The following TMTC3 variants were observed in gnomAD, a reference collection of about 807,000 sequenced individuals.
TMTC3 encodes the protein transmembrane O-mannosyltransferase targeting cadherins 3.
A neutral mutation model predicts 92.2 loss-of-function variants in TMTC3; 52 were observed. That is an observed-to-expected ratio of 0.56 (90% CI 0.45 to 0.71). The LOEUF is 0.71. TMTC3 is among the 30% of genes least tolerant of loss of function. The probability of loss-of-function intolerance (pLI) is 0.00; values close to 1 mark genes in which losing one functional copy is unlikely to be tolerated. For missense variants in TMTC3, 896 were observed against 1,057.1 expected, an observed-to-expected ratio of 0.85 and a Z score of 2.11; for synonymous variants, 339 against 363.3, an observed-to-expected ratio of 0.93 and a Z score of 0.76.
At chr12:88,154,121 A>G (rs1224377879) in intron 3 of TMTC3, among the ~76,000 whole-genome samples, 167 bp from the exon 4 acceptor site, 1 of 152,116 alleles carries the variant, frequency 6.6e-6, no homozygotes, top group Non-Finnish European at 1.5e-5. Flanking sequence ...ATAAATGTCT[A>G]TTTATGTAAG....
chr12:88,179,235 T>A (rs1437684560), intron 10 of TMTC3, among the ~76,000 whole-genome samples: 5 of 152,120 alleles, frequency 3.3e-5, no homozygotes, highest in African/African-American at 1.2e-4. Flanking sequence ...TCTTCCTAGA[T>A]GGGTTTGACA....
Position 88,174,671 on chromosome 12 carries a change from T to G in TMTC3, c.1264T>G (p.Phe422Val), listed in dbSNP as rs2041240816. ...MVILTHSLKTFHRNWDWESEY... is the reference protein window; with the variant it reads ...MVILTHSLKTVHRNWDWESEY... ...GATACTCACTCATTCCTTAAAAACA[T>G]TCCACAGAAATTGGGATTGGGAGTC... is the stretch of plus-strand genomic sequence containing the variant. The change falls in exon 9 of 14, where the codon TTC becomes GTC. Residue 422 changes from phenylalanine to valine, a missense_variant. Physicochemically the swap from Phe to Val is conservative, Grantham distance 50. Coordinates refer to ENST00000266712, the MANE Select transcript of TMTC3 (RefSeq NM_181783.4). The G allele has an allele frequency of 1.9e-6, 3 of 1,612,462 alleles. No homozygotes were observed. The African/African-American group carries it at 4.0e-5, about 22-fold the overall frequency.
At chr12:88,188,074 A>G (rs927246234) in intron 10 of TMTC3, among the ~76,000 whole-genome samples, 10 of 152,160 alleles carry the variant, frequency 6.6e-5, no homozygotes, top group South Asian at 6.2e-4. Flanking sequence ...AAATTAACAC[A>G]ACCTTTTAAA....
chr12:88,156,111 A>C (rs2041006666), intron 4 of TMTC3, among the ~76,000 whole-genome samples: 1 of 152,180 alleles, frequency 6.6e-6, no homozygotes, highest in South Asian at 2.1e-4. Context: ...CTCAAAACAA[A>C]AAAAAAGAAT....
At chr12:88,185,966 A>G (rs1374117531) in intron 10 of TMTC3, among the ~76,000 whole-genome samples, 1 of 152,132 alleles carries the variant, frequency 6.6e-6, no homozygotes, top group Non-Finnish European at 1.5e-5. Flanking sequence ...ATCTATATTT[A>G]TGAAGGATAG....
At position 88,195,048 on chromosome 12, in the gene TMTC3, C is replaced by G. The variant is rs765305717; in HGVS notation, c.2144C>G (p.Thr715Ser). The G allele has an allele frequency of 5.0e-6, 8 of 1,613,866 alleles. No homozygotes were observed. The East Asian group carries it at 1.8e-4, about 36-fold the overall frequency. ...AATCTGGCTCTCCTGTATTCCCAGACTGCAAAGGAATTAAAGGCTTTGCCA... is the reference window on the plus strand; with the variant it reads ...AATCTGGCTCTCCTGTATTCCCAGAGTGCAAAGGAATTAAAGGCTTTGCCA... ...LFNLALLYSQTAKELKALPIL... is the reference protein window; with the variant it reads ...LFNLALLYSQSAKELKALPIL... The change falls in exon 14 of 14, where the codon ACT (threonine) becomes AGT (serine). Residue 715 changes from threonine to serine, a missense_variant. Thr to Ser is a moderately conservative substitution (Grantham distance 58). Transcript: ENST00000266712.
Position 88,199,720 on chromosome 12 carries a change from A to AGAT in TMTC3, c.*4072_*4074dup, listed in dbSNP as rs1229894091. On this transcript the variant is annotated 3_prime_UTR_variant, in exon 14 of 14. Coordinates refer to ENST00000266712, the MANE Select transcript of TMTC3 (RefSeq NM_181783.4). ...CATCAGGGAGGTAGCATAAAATGAAAGATAAAGTCTGAAGACTGGATCCAG... is the reference window on the plus strand; with the variant it reads ...CATCAGGGAGGTAGCATAAAATGAAAGATGATAAAGTCTGAAGACTGGATCCAG... The AGAT allele has an allele frequency of 1.3e-5, 2 of 152,224 alleles. No homozygotes were observed. The highest frequency in any genetic ancestry group is 2.9e-5 in the Non-Finnish European group (2 of 68,034). The allele number at this position is 152,224 out of a possible 1,614,324, so 9.4% of individuals were successfully genotyped here.
intron 10 of TMTC3, among the ~76,000 whole-genome samples, chr12:88,178,368 T>C (rs2041281670): frequency 6.6e-6 from 1 of 152,160 alleles, no homozygotes; most frequent in Non-Finnish European, 1.5e-5. Context: ...TTTTCTTCCT[T>C]GAGACTAGAA....
intron 6 of TMTC3, among the ~76,000 whole-genome samples, chr12:88,164,189 C>CA (rs1008391943): frequency 0.021 from 1,012 of 48,276 alleles, 5 homozygotes; most frequent in Non-Finnish European, 0.023. Context: ...GACTTTGTCT[C>CA]AAAAAAAAAA....
At chr12:88,156,938 A>G (rs2041019545) in intron 4 of TMTC3, among the ~76,000 whole-genome samples, 1 of 152,012 alleles carries the variant, frequency 6.6e-6, no homozygotes, top group African/African-American at 2.4e-5. Flanking sequence ...AGCGAAACAA[A>G]AACAGAGTAA....
In TMTC3 at chr12:88,192,980, A is replaced by G. The variant is rs11104755; in HGVS notation, c.1933+150A>G. ...TAACTGATTTATAGAAAGAATATTT[A>G]AAATACTTGAAGTAAACTATTTTCA... On this transcript the variant is annotated intron_variant, in intron 13 of 13. Coordinates refer to ENST00000266712, the MANE Select transcript of TMTC3 (RefSeq NM_181783.4). 14,072 of 591,194 alleles carry G rather than the reference A, an allele frequency of 0.024. 1,607 individuals carry two copies. The African/African-American group carries it at 0.24, about 10-fold the overall frequency. The allele number at this position is 591,194 out of a possible 1,614,324, so 36.6% of individuals were successfully genotyped here. A position where few individuals can be genotyped will look rare whatever the true frequency, so the allele number is the denominator to read the frequency against.
chr12:88,164,184 T>G, intron 6 of TMTC3, among the ~76,000 whole-genome samples: 1 of 141,998 alleles, frequency 7.0e-6, no homozygotes, highest in African/African-American at 2.6e-5. Flanking sequence ...AGCAAGACTT[T>G]GTCTCAAAAA....
chr12:88,189,123 T>G (rs2041411791), intron 11 of TMTC3, among the ~76,000 whole-genome samples, 177 bp downstream of exon 11: 1 of 151,702 alleles, frequency 6.6e-6, no homozygotes, highest in African/African-American at 2.4e-5. Flanking sequence ...AGACGGAGTC[T>G]TGCTGTATTG....
chr12:88,182,681 G>A (rs555142737), intron 10 of TMTC3, among the ~76,000 whole-genome samples: 1 of 152,264 alleles, frequency 6.6e-6, no homozygotes, highest in Non-Finnish European at 1.5e-5. Context: ...GGGGATGCTA[G>A]TAAAATATCA....
intron 6 of TMTC3, among the ~76,000 whole-genome samples, chr12:88,164,589 CA>C (rs1454950784): frequency 1.3e-5 from 2 of 152,130 alleles, no homozygotes; most frequent in African/African-American, 4.8e-5. Context: ...TTTAAGTCTG[CA>C]TATCATATTT....
rs537324814 is a variant in TMTC3, at chr12:88,167,448, C to T, written c.1050+866C>T. ...TAAAAGTTTATTGAAGACAATAGTA[C>T]ATTTTCTCAGGCATTTATTATATGT... On this transcript the variant is annotated intron_variant, in intron 7 of 13. Coordinates refer to ENST00000266712, the MANE Select transcript of TMTC3 (RefSeq NM_181783.4). Among the ~76,000 whole-genome samples the T allele has an allele frequency of 2.6e-5, 4 of 152,212 alleles. No individual in the cohort carries two copies. In the South Asian group the frequency reaches 8.3e-4, roughly 32 times the overall value.
chr12:88,188,925 G>A lies in TMTC3; in HGVS notation c.1515G>A (p.Met505Ile), dbSNP rs79854597. 1,202 of 1,597,732 alleles carry A rather than the reference G, an allele frequency of 7.5e-4. 11 individuals carry two copies. In the African/African-American group the frequency reaches 0.015, roughly 20 times the overall value. Residue 505 changes from methionine (M) to isoleucine (I), a missense_variant, in exon 11 of 14, where the codon ATG becomes ATA. Met to Ile is a conservative substitution (Grantham distance 10, BLOSUM62 1). Coordinates refer to ENST00000266712, the MANE Select transcript of TMTC3 (RefSeq NM_181783.4). ...RTKEAEESYM[M>I]AKSLMPQIIP... ...AAGAAGCTGAAGAATCTTACATGAT[G>A]GCTAAATCACTGATGCCTCAAGTAA...
At chr12:88,185,451 C>T (rs74904808) in intron 10 of TMTC3, among the ~76,000 whole-genome samples, 10 of 151,892 alleles carry the variant, frequency 6.6e-5, no homozygotes, top group Middle Eastern at 6.8e-3. Flanking sequence ...TATTCCTTCA[C>T]GTAGATATAC....
rs1310465832 is a variant in TMTC3, at chr12:88,195,732, G to C, written c.*83G>C. On this transcript the variant is annotated 3_prime_UTR_variant, in exon 14 of 14. Coordinates refer to ENST00000266712, the MANE Select transcript of TMTC3 (RefSeq NM_181783.4). ...CTTTTACTGGGAGCTTTGAAAAAAA[G>C]TTCAAGGGTTCCTAATGGTCAATCA... 4 of 1,197,050 alleles carry C rather than the reference G, an allele frequency of 3.3e-6. No individual in the cohort carries two copies. Among genetic ancestry groups the C allele is most frequent in the Admixed American group, 5.7e-5 (2 of 35,050 alleles). The allele number at this position is 1,197,050 out of a possible 1,614,324, so 74.2% of individuals were successfully genotyped here.
Sources: allele counts gnomAD v4.1 joint callset (sites outside exome capture counted in the v4.1 genomes callset), GRCh38; gene constraint gnomAD v4.1.1; transcripts MANE v1.5; gene names NCBI Gene and HGNC (gene_info 2026-07-23, HGNC 2026-07-21).